The following ERC2 variants were observed in gnomAD, a reference collection of about 807,000 sequenced individuals.
ERC2 encodes the protein ERC protein 2.
In ERC2, 42 loss-of-function variants were observed where a neutral mutation model predicts 114.8. The ratio of observed to expected loss-of-function variants is 0.37; its 90% CI spans 0.29 to 0.47. The LOEUF (loss-of-function observed/expected upper bound fraction) is 0.47. ERC2 is among the 20% of genes least tolerant of loss of function. The pLI, the probability that ERC2 is intolerant of heterozygous loss-of-function variation, is 0.99. For synonymous variants in ERC2, 454 were observed against 425.5 expected (o/e 1.07, Z -0.82); for missense variants, 939 against 1,150.7 (o/e 0.82, Z 2.66).
chr3:56,430,457 A>G (rs974787701), intron 2 of ERC2, among the ~76,000 whole-genome samples: 37 of 152,336 alleles, frequency 2.4e-4, no homozygotes, highest in Admixed American at 2.2e-3. Context: ...TTAGATGTCC[A>G]TAATCCCTTG....
At chr3:56,161,656 G>A (rs1330993223) in intron 4 of ERC2, among the ~76,000 whole-genome samples, 2 of 152,014 alleles carry the variant, frequency 1.3e-5, no homozygotes, top group African/African-American at 2.4e-5. Context: ...GTGTGTGTGT[G>A]GCTATTATAA....
intron 17 of ERC2, among the ~76,000 whole-genome samples, chr3:55,605,482 A>T (rs980195018): frequency 1.3e-5 from 2 of 152,214 alleles, no homozygotes; most frequent in African/African-American, 4.8e-5. Flanking sequence ...CTTTTTAAGA[A>T]TTATTCTTTT....
intron 14 of ERC2, among the ~76,000 whole-genome samples, chr3:55,805,616 G>C (rs987078885): frequency 6.6e-6 from 1 of 151,818 alleles, no homozygotes; most frequent in Non-Finnish European, 1.5e-5. Flanking sequence ...TGTGACATTT[G>C]TCACAGGTAG....
chr3:55,916,532 G>A (rs1576179938), intron 13 of ERC2, among the ~76,000 whole-genome samples: 1 of 152,126 alleles, frequency 6.6e-6, no homozygotes, highest in Non-Finnish European at 1.5e-5. Flanking sequence ...ATCATCAAAA[G>A]TTACACCGAC....
At chr3:56,085,161 G>A (rs1299100726) in intron 6 of ERC2, among the ~76,000 whole-genome samples, 5 of 152,184 alleles carry the variant, frequency 3.3e-5, no homozygotes, top group Admixed American at 2.6e-4. Context: ...TGATATTAGC[G>A]ATAAAGAAAA....
chr3:56,187,594 T>C (rs1482702777), intron 3 of ERC2, among the ~76,000 whole-genome samples: 2 of 152,210 alleles, frequency 1.3e-5, no homozygotes, highest in Admixed American at 6.5e-5. Flanking sequence ...GACACTGTTA[T>C]AGGTCCTGCA....
intron 6 of ERC2, among the ~76,000 whole-genome samples, chr3:56,133,152 A>G (rs546737887): frequency 9.6e-4 from 146 of 152,312 alleles, no homozygotes; most frequent in African/African-American, 3.3e-3. Context: ...TTAAGATTAA[A>G]TGAGGCCAGA....
At position 56,286,514 on chromosome 3, in the gene ERC2, C is replaced by T. The variant is rs776630811; in HGVS notation, c.1074+9505G>A. Among the ~76,000 whole-genome samples the T allele has an allele frequency of 2.6e-5, 4 of 151,534 alleles. No homozygotes were observed. The East Asian group carries it at 7.8e-4, about 29-fold the overall frequency. On this transcript the variant is annotated intron_variant, in intron 3 of 17. Coordinates refer to ENST00000288221, the MANE Select transcript of ERC2 (RefSeq NM_015576.3). ...TATGTGAAAACAGTAAGATTTGATC[C>T]TCTAAATATAACTAATTGCAGACAG...
At chr3:55,838,754 A>G (rs1275944653) in intron 14 of ERC2, among the ~76,000 whole-genome samples, 38 of 152,008 alleles carry the variant, frequency 2.5e-4, no homozygotes. Context: ...ATCAGAAAGG[A>G]AAAGACACCA....
intron 15 of ERC2, among the ~76,000 whole-genome samples, chr3:55,716,202 G>C (rs1450863634): frequency 2.0e-5 from 3 of 152,158 alleles, no homozygotes. Flanking sequence ...ACTGGGCAAA[G>C]CCAACCTCTC....
intron 2 of ERC2, among the ~76,000 whole-genome samples, chr3:56,362,467 T>C (rs1460123534): frequency 1.3e-5 from 2 of 152,140 alleles, no homozygotes; most frequent in Non-Finnish European, 2.9e-5. Context: ...AGCCCCTTCT[T>C]TCACCAGTGG....
intron 1 of ERC2, among the ~76,000 whole-genome samples, chr3:56,439,743 T>C (rs1351705234): frequency 6.6e-6 from 1 of 152,136 alleles, no homozygotes; most frequent in African/African-American, 2.4e-5. Context: ...TCTACTTCCT[T>C]TATGGTTTTT....
intron 13 of ERC2, among the ~76,000 whole-genome samples, chr3:55,908,928 T>C (rs912061094): frequency 1.3e-5 from 2 of 152,176 alleles, no homozygotes; most frequent in Admixed American, 6.5e-5. Context: ...ATAGAGTCAA[T>C]CCTGACATGA....
At chr3:56,229,320 T>C (rs1026737953) in intron 3 of ERC2, among the ~76,000 whole-genome samples, 4 of 152,200 alleles carry the variant, frequency 2.6e-5, no homozygotes, top group African/African-American at 9.6e-5. Context: ...CAGTGCATTA[T>C]ACATAGAAGG....
chr3:55,948,054 C>T (rs1317875665), intron 13 of ERC2, among the ~76,000 whole-genome samples: 1 of 152,174 alleles, frequency 6.6e-6, no homozygotes, highest in Non-Finnish European at 1.5e-5. Context: ...CAGGTTTTGT[C>T]TATTGCCTTT....
rs1348879975 is a variant in ERC2, at chr3:55,772,796, AG to A, written c.2565-37879del. 2.6e-5 allele frequency among the ~76,000 whole-genome samples: 4 copies of A among 152,142 alleles called. No homozygotes were observed. In the East Asian group the frequency reaches 5.8e-4, roughly 22 times the overall value. On this transcript the variant is annotated intron_variant, in intron 14 of 17. Transcript: ENST00000288221. ...TGCTGTAGTTACCCTGTCTTAGCTA[AG>A]GGTAATTCTATTCTTCCCATTTCTC... is the stretch of plus-strand genomic sequence containing the variant.
intron 3 of ERC2, among the ~76,000 whole-genome samples, chr3:56,190,316 A>G (rs927721114): frequency 2.6e-5 from 4 of 152,164 alleles, no homozygotes; most frequent in African/African-American, 9.7e-5. Context: ...TCATCTGTAA[A>G]TGGGGATGAC....
intron 7 of ERC2, among the ~76,000 whole-genome samples, chr3:56,055,796 CCTCT>C (rs1219287218): frequency 6.6e-6 from 1 of 152,158 alleles, no homozygotes; most frequent in Non-Finnish European, 1.5e-5. Context: ...CTCAGTCTCC[CCTCT>C]CTCTATCTGC....
In ERC2 at chr3:55,669,952, C is replaced by A. The variant is rs185027563; in HGVS notation, c.*39+13842G>T. Among the ~76,000 whole-genome samples the A allele has an allele frequency of 2.6e-5, 4 of 152,256 alleles. No homozygotes were observed. The East Asian group carries it at 7.7e-4, about 29-fold the overall frequency. On this transcript the variant is annotated intron_variant, in intron 17 of 17. Coordinates refer to ENST00000288221, the MANE Select transcript of ERC2 (RefSeq NM_015576.3). ...ATTACAGAGATATTGACGTGGCAAG[C>A]CTGTGAGAGGTGATCAATGTAGAGT... is the stretch of plus-strand genomic sequence containing the variant.
Sources: gnomAD v4.1 joint callset for allele counts (sites outside exome capture counted in the v4.1 genomes callset) on GRCh38, gnomAD v4.1.1 for gene constraint, MANE v1.5 for transcripts, NCBI Gene and HGNC (gene_info 2026-07-23, HGNC 2026-07-21) for gene names.